Variants in DCUN1D4 observed in about 807,000 individuals in gnomAD.
DCUN1D4 encodes DCN1-like protein 4.
Under a neutral mutation model 47.9 loss-of-function variants are expected in DCUN1D4, and 22 were observed. The ratio of observed to expected loss-of-function variants is 0.46; its 90% CI spans 0.33 to 0.66. The LOEUF (loss-of-function observed/expected upper bound fraction) is 0.66, where lower values mean the gene tolerates loss of function less well. Ranked by LOEUF, DCUN1D4 falls within the 30% of genes least tolerant of loss-of-function variation. The pLI is 0.02. For synonymous variants in DCUN1D4, 121 were observed against 112.2 expected (o/e 1.08, Z -0.50); for missense variants, 301 against 340.8 (o/e 0.88, Z 0.92).
chr4:51,895,070 C>G (rs1398704159), intron 7 of DCUN1D4, among the ~76,000 whole-genome samples: 4 of 151,968 alleles, frequency 2.6e-5, no homozygotes, highest in Non-Finnish European at 4.4e-5. Flanking sequence ...AGGATTCTGC[C>G]CCCAGGACCT....
chr4:51,851,835 G>A (rs1352797185), intron 1 of DCUN1D4, among the ~76,000 whole-genome samples: 1 of 152,170 alleles, frequency 6.6e-6, no homozygotes, highest in Non-Finnish European at 1.5e-5. Context: ...GGACGCTGAG[G>A]TGTAGAAAGG....
intron 5 of DCUN1D4, among the ~76,000 whole-genome samples, chr4:51,881,129 A>G (rs920560903): frequency 6.6e-6 from 1 of 151,568 alleles, no homozygotes; most frequent in South Asian, 2.1e-4. Context: ...CTCCGTCTCA[A>G]AAAAAAAAGA....
At chr4:51,834,471 C>T in the DCUN1D4 span, among the ~76,000 whole-genome samples, 1 of 152,028 alleles carries the variant, frequency 6.6e-6, no homozygotes, top group South Asian at 2.1e-4. Flanking sequence ...TTTACACACC[C>T]GACTGGCCCT....
chr4:51,839,170 AAG>A (rs1721568336), upstream of DCUN1D4, among the ~76,000 whole-genome samples: 1 of 147,188 alleles, frequency 6.8e-6, no homozygotes, highest in Non-Finnish European at 1.5e-5. Flanking sequence ...AAGGAGAAGG[AAG>A]GAAGGAAGAA....
At chr4:51,863,396 G>T in intron 1 of DCUN1D4, 41 bp from the exon 2 acceptor site, 1 of 1,438,196 alleles carries the variant, frequency 7.0e-7, no homozygotes, top group Non-Finnish European at 9.7e-7. Context: ...TTACAATATT[G>T]GAAATAAATG....
At chr4:51,837,770 G>A in the DCUN1D4 span, among the ~76,000 whole-genome samples, 2 of 144,830 alleles carry the variant, frequency 1.4e-5, no homozygotes, top group Non-Finnish European at 3.0e-5. Context: ...ATTGCTAAAC[G>A]AAATTAAAAC....
intron 4 of DCUN1D4, 139 bp from the exon 5 acceptor site, chr4:51,877,624 G>A (rs1006549102): frequency 3.5e-6 from 2 of 570,870 alleles, no homozygotes; most frequent in Non-Finnish European, 6.1e-6. Context: ...GCCTGCAAAT[G>A]CAGGAAATAA....
At chr4:51,840,444 G>A (rs1056142495), upstream of DCUN1D4, among the ~76,000 whole-genome samples, 1 of 152,220 alleles carries the variant, frequency 6.6e-6, no homozygotes. Flanking sequence ...AGACAGTGTG[G>A]TACAGGGGAT....
chr4:51,878,108 G>T lies in DCUN1D4; in HGVS notation c.343+254G>T, dbSNP rs184065763. 8.0e-4 allele frequency: 193 copies of T among 242,222 alleles called. 3 individuals carry two copies. Among genetic ancestry groups the T allele is most frequent in the African/African-American group, 3.7e-3 (165 of 44,794 alleles). The allele number at this position is 242,222 out of a possible 1,614,324, so 15.0% of individuals were successfully genotyped here. ...GAAATGACTTGGGAGAAATACTTTGGATTGCTGGGAAACCTATTTGGAATG... is the reference window on the plus strand; with the variant it reads ...GAAATGACTTGGGAGAAATACTTTGTATTGCTGGGAAACCTATTTGGAATG... On this transcript the variant is annotated intron_variant, in intron 5 of 10. Coordinates refer to ENST00000334635, the MANE Select transcript of DCUN1D4 (RefSeq NM_001040402.3).
intron 3 of DCUN1D4, among the ~76,000 whole-genome samples, chr4:51,867,030 A>T (rs1726050129): frequency 6.6e-6 from 1 of 152,226 alleles, no homozygotes; most frequent in Non-Finnish European, 1.5e-5. Flanking sequence ...TGTGTGGGTG[A>T]GCAAGCACCC....
the DCUN1D4 span, among the ~76,000 whole-genome samples, chr4:51,837,674 AAAAAAAAAAAAG>A: frequency 6.6e-6 from 1 of 150,536 alleles, no homozygotes; most frequent in East Asian, 1.9e-4. Context: ...AAAAAAAAAA[AAAAAAAAAAAAG>A]AAATCTTAGA....
chr4:51,842,085 G>T (rs1048834595), upstream of DCUN1D4, among the ~76,000 whole-genome samples: 1 of 152,120 alleles, frequency 6.6e-6, no homozygotes. Context: ...GAAAAATCAG[G>T]GCAGGACTCA....
At chr4:51,871,418 A>G (rs188774254) in intron 3 of DCUN1D4, among the ~76,000 whole-genome samples, 2 of 152,366 alleles carry the variant, frequency 1.3e-5, no homozygotes, top group Admixed American at 1.3e-4. Flanking sequence ...GTGTCTAGGA[A>G]GAACCAGGTG....
chr4:51,886,935 T>G, intron 6 of DCUN1D4: 1 of 421,626 alleles, frequency 2.4e-6, no homozygotes, highest in South Asian at 2.1e-5. Context: ...ACGGATCAAC[T>G]GGAGGCCACA....
chr4:51,843,460 G>T (rs551277105), intron 1 of DCUN1D4, 193 bp downstream of exon 1: 11 of 1,220,334 alleles, frequency 9.0e-6, no homozygotes, highest in African/African-American at 6.5e-5. Context: ...GGGCGGGCGT[G>T]GGGGGAAGGG....
chr4:51,887,034 T>C (rs1729598819), intron 6 of DCUN1D4: 1 of 451,652 alleles, frequency 2.2e-6, no homozygotes, highest in Non-Finnish European at 4.4e-6. Flanking sequence ...ATCATGATTT[T>C]GAGTAGATTG....
chr4:51,859,631 A>G lies in DCUN1D4; in HGVS notation c.26-3806A>G, dbSNP rs186975310. Among the ~76,000 whole-genome samples the G allele has an allele frequency of 4.3e-5, 6 of 138,020 alleles. No homozygotes were observed. The East Asian group carries it at 1.1e-3, about 25-fold the overall frequency. 90.5% of individuals were successfully genotyped at this position (138,020 alleles called of 152,430 possible). A position where few individuals can be genotyped will look rare whatever the true frequency, so the allele number is the denominator to read the frequency against. On this transcript the variant is annotated intron_variant, in intron 1 of 10. Coordinates refer to ENST00000334635, the MANE Select transcript of DCUN1D4 (RefSeq NM_001040402.3). ...TGTAGGTCACAGCAAATGGTAGTTA[A>G]AACAAGCAAAAAAAAAAAAAAAAAA...
At chr4:51,878,750 A>G (rs1728083106) in intron 5 of DCUN1D4, among the ~76,000 whole-genome samples, 1 of 152,206 alleles carries the variant, frequency 6.6e-6, no homozygotes, top group African/African-American at 2.4e-5. Context: ...ATGCTCTTAC[A>G]TCTTTTAAAC....
Position 51,891,793 on chromosome 4 carries a change from G to A in DCUN1D4, c.448G>A (p.Ala150Thr), listed in dbSNP as rs1045451605. Reference protein sequence around the residue: ...VMLVLAWKLDAQNMGYFTLQE... With the variant: ...VMLVLAWKLDTQNMGYFTLQE... ...GCTTGTCCTAGCTTGGAAATTGGAT[G>A]CACAAAACATGGGTTATTTTACTCT... The change falls in exon 7 of 11, where the codon GCA becomes ACA. Residue 150 changes from alanine to threonine, a missense_variant. This residue lies in a region of DCUN1D4 where 170 missense variants were observed against 234.5 expected (regional missense o/e 0.73). Coordinates refer to ENST00000334635, the MANE Select transcript of DCUN1D4 (RefSeq NM_001040402.3). 3 of 1,612,784 alleles carry A rather than the reference G, an allele frequency of 1.9e-6. No homozygotes were observed. In the Admixed American group the frequency reaches 5.0e-5, roughly 27 times the overall value.
Sources: allele counts gnomAD v4.1 joint callset (sites outside exome capture counted in the v4.1 genomes callset), GRCh38; gene constraint gnomAD v4.1.1; regional missense constraint gnomAD v4.1.1; transcripts MANE v1.5; gene names NCBI Gene and HGNC (gene_info 2026-07-23, HGNC 2026-07-21).